Variants in DHRS9 observed in about 807,000 individuals in gnomAD.
The protein encoded by DHRS9 is dehydrogenase/reductase SDR family member 9.
A neutral mutation model predicts 26.6 loss-of-function variants in DHRS9; 18 were observed. The ratio of observed to expected loss-of-function variants is 0.68; its 90% CI spans 0.47 to 1.00. DHRS9 has a LOEUF of 1.00. Among genes scored for constraint, DHRS9 ranks in the 50% least tolerant of loss-of-function variants. The pLI is 0.00. For synonymous variants in DHRS9, 134 were observed against 141.1 expected, an observed-to-expected ratio of 0.95 and a Z score of 0.36; for missense variants, 425 against 378.7, an observed-to-expected ratio of 1.12 and a Z score of -1.01.
intron 4 of DHRS9, among the ~76,000 whole-genome samples, chr2:169,092,300 A>G (rs75579665): frequency 0.015 from 2,316 of 152,322 alleles, 49 homozygotes; most frequent in African/African-American, 0.053. Context: ...CCAGGAAGGC[A>G]AGTCGAGCCA....
chr2:169,091,828 T>C lies in DHRS9; in HGVS notation c.611T>C (p.Ile204Thr), dbSNP rs1254200376. 17 of 1,613,792 alleles carry C rather than the reference T, an allele frequency of 1.1e-5. No individual in the cohort carries two copies. Among genetic ancestry groups the C allele is most frequent in the Non-Finnish European group, 1.4e-5 (16 of 1,179,854 alleles). ...MKAFGVHVSC[I>T]EPGLFKTNLA... The stretch of plus-strand genomic sequence containing the variant: ...GCTTTTGGTGTGCACGTCTCATGCA[T>C]TGAACCAGGATTGTTCAAAACAAAC... The change falls in exon 4 of 5, where the codon ATT becomes ACT. Residue 204 changes from isoleucine (I) to threonine (T), a missense_variant. Ile to Thr is a moderately conservative substitution (Grantham distance 89). Transcript: ENST00000674881.
At chr2:169,079,111 T>C (rs1262214346) in intron 1 of DHRS9, among the ~76,000 whole-genome samples, 1 of 152,096 alleles carries the variant, frequency 6.6e-6, no homozygotes, top group East Asian at 1.9e-4. Flanking sequence ...CCTCCCAAAG[T>C]GCTGGGATTA....
chr2:169,084,852 C>T (rs996335275), intron 3 of DHRS9, among the ~76,000 whole-genome samples: 1 of 151,978 alleles, frequency 6.6e-6, no homozygotes, highest in African/African-American at 2.4e-5. Flanking sequence ...CCCATTTGTC[C>T]ATTTTTGCTT....
intron 2 of DHRS9, among the ~76,000 whole-genome samples, chr2:169,082,530 T>C (rs1684222574): frequency 6.6e-6 from 1 of 152,186 alleles, no homozygotes; most frequent in Non-Finnish European, 1.5e-5. Flanking sequence ...AAACAAATGT[T>C]TGCGATTTTT....
chr2:169,072,738 T>A, intron 1 of DHRS9: 7 of 832,506 alleles, frequency 8.4e-6, no homozygotes, highest in Non-Finnish European at 1.0e-5. Context: ...TGAATCTTTG[T>A]GATATGGTAG....
intron 1 of DHRS9, among the ~76,000 whole-genome samples, chr2:169,078,815 CTTTTTTT>C (rs200691133): frequency 3.6e-5 from 4 of 110,368 alleles, no homozygotes; most frequent in Non-Finnish European, 5.4e-5. Flanking sequence ...TATCAACTGA[CTTTTTTT>C]TTTTTTTTTT....
chr2:169,084,729 T>G (rs577590802), intron 3 of DHRS9, among the ~76,000 whole-genome samples: 10 of 152,370 alleles, frequency 6.6e-5, no homozygotes, highest in African/African-American at 2.4e-4. Context: ...TTCTGATTTT[T>G]AATTCCTTGT....
intron 1 of DHRS9, chr2:169,070,222 TG>T: frequency 2.0e-6 from 2 of 985,302 alleles, no homozygotes; most frequent in Non-Finnish European, 2.4e-6. Flanking sequence ...GGGGAAAAAA[TG>T]CCTTGTAGGT....
intron 3 of DHRS9, 89 bp from the exon 4 acceptor site, chr2:169,091,701 G>A: frequency 7.2e-7 from 1 of 1,383,114 alleles, no homozygotes; most frequent in Non-Finnish European, 9.9e-7. Flanking sequence ...GTGATTCCAT[G>A]AAAAGATTCG....
chr2:169,077,404 ATGG>A (rs1683995367), intron 1 of DHRS9, among the ~76,000 whole-genome samples: 1 of 152,246 alleles, frequency 6.6e-6, no homozygotes, highest in Non-Finnish European at 1.5e-5. Flanking sequence ...TTTTATTAAC[ATGG>A]TGGCAGGAAC....
At chr2:169,069,331 C>T (rs778856503), upstream of DHRS9, 39 of 725,324 alleles carry the variant, frequency 5.4e-5, no homozygotes, top group Non-Finnish European at 6.1e-5. Flanking sequence ...ATTATTTCTG[C>T]TGCTGAATTT....
Position 169,095,778 on chromosome 2 carries a change from C to G in DHRS9, c.*11C>G. On this transcript the variant is annotated 3_prime_UTR_variant, in exon 5 of 5. Coordinates refer to ENST00000674881, the MANE Select transcript of DHRS9 (RefSeq NM_001376924.1). ...CCCAAGGCAGTGTGACTCAGCTAAC[C>G]ACAAATGTCTCCTCCAGGCTATGAA... The G allele has an allele frequency of 6.2e-7, 1 of 1,610,684 alleles. No homozygotes were observed. Among genetic ancestry groups the G allele is most frequent in the Non-Finnish European group, 8.5e-7 (1 of 1,177,602 alleles).
intron 3 of DHRS9, 135 bp downstream of exon 3, chr2:169,083,722 G>A (rs1465977018): frequency 2.0e-6 from 2 of 979,858 alleles, no homozygotes; most frequent in Non-Finnish European, 2.9e-6. Flanking sequence ...GTACATAGTA[G>A]GTATATATAT....
At chr2:169,095,436 G>C (rs958017636) in intron 4 of DHRS9, 108 bp from the exon 5 acceptor site, 1 of 856,726 alleles carries the variant, frequency 1.2e-6, no homozygotes, top group Non-Finnish European at 1.9e-6. Flanking sequence ...AATTATAATG[G>C]ACAATTCAGA....
At chr2:169,079,974 AG>A (rs1684117189) in intron 1 of DHRS9, among the ~76,000 whole-genome samples, 5 of 117,012 alleles carry the variant, frequency 4.3e-5, no homozygotes, top group Admixed American at 2.8e-4. Context: ...AGAGAGAGAG[AG>A]AGAGAGAGAG....
chr2:169,090,931 C>T (rs1684501478), intron 3 of DHRS9, among the ~76,000 whole-genome samples: 1 of 152,206 alleles, frequency 6.6e-6, no homozygotes, highest in African/African-American at 2.4e-5. Context: ...GGGCAAAGAA[C>T]TGCTATGCTG....
rs759704263 is a variant in DHRS9 at position 169,096,078 on chromosome 2, G to A, written c.*311G>A. ...TTCAAAATGATCTTTACCGTGGCCT[G>A]CCCCATGCTTATGGTCCCCAGCATT... On this transcript the variant is annotated 3_prime_UTR_variant, in exon 5 of 5. Coordinates refer to ENST00000674881, the MANE Select transcript of DHRS9 (RefSeq NM_001376924.1). 8.3e-6 allele frequency: 3 copies of A among 359,576 alleles called. No homozygotes were observed. The highest frequency in any genetic ancestry group is 1.0e-5 in the Non-Finnish European group (2 of 194,116). The allele number at this position is 359,576 out of a possible 1,614,324, so 22.3% of individuals were successfully genotyped here. A position where few individuals can be genotyped will look rare whatever the true frequency, so the allele number is the denominator to read the frequency against.
intron 1 of DHRS9, among the ~76,000 whole-genome samples, chr2:169,079,319 T>C (rs1029319760): frequency 3.6e-4 from 55 of 152,196 alleles, no homozygotes; most frequent in African/African-American, 1.3e-3. Flanking sequence ...TGTGTGTGTG[T>C]CTGTGTGTGT....
intron 1 of DHRS9, chr2:169,072,593 A>C (rs1683841143): frequency 1.0e-6 from 1 of 985,340 alleles, no homozygotes; most frequent in South Asian, 4.7e-5. Flanking sequence ...ACTCAGGAAG[A>C]AAAAGAAAAG....
Sources: allele counts gnomAD v4.1 joint callset (sites outside exome capture counted in the v4.1 genomes callset), GRCh38; gene constraint gnomAD v4.1.1; transcripts MANE v1.5; gene names NCBI Gene and HGNC (gene_info 2026-07-23, HGNC 2026-07-21).